The following PACRG variants were observed in gnomAD, a reference collection of about 807,000 sequenced individuals.
The protein encoded by PACRG is parkin coregulated gene protein.
Under a neutral mutation model 29.7 loss-of-function variants are expected in PACRG, and 29 were observed. The ratio of observed to expected loss-of-function variants is 0.98; its 90% confidence interval spans 0.73 to 1.33. The LOEUF (loss-of-function observed/expected upper bound fraction) is 1.33. Ranked by LOEUF, PACRG falls within the 40% of genes most tolerant of loss-of-function variation. PACRG has a pLI of 0.00. For missense variants in PACRG, 279 were observed against 316.2 expected (o/e 0.88, Z 0.89); for synonymous variants, 116 against 118.7 (o/e 0.98, Z 0.15).
chr6:163,000,413 T>A (rs1481404449), intron 2 of PACRG, among the ~76,000 whole-genome samples: 1 of 152,048 alleles, frequency 6.6e-6, no homozygotes, highest in African/African-American at 2.4e-5. Flanking sequence ...GGAACCCCCA[T>A]TGCACTCCCA....
chr6:163,002,866 C>T (rs1804712812), intron 2 of PACRG, among the ~76,000 whole-genome samples: 3 of 152,194 alleles, frequency 2.0e-5, no homozygotes, highest in Admixed American at 2.0e-4. Context: ...GACCATAACC[C>T]TGAGTCCTAA....
At chr6:163,286,989 T>C (rs1048231822) in intron 4 of PACRG, among the ~76,000 whole-genome samples, 2 of 152,014 alleles carry the variant, frequency 1.3e-5, no homozygotes, top group African/African-American at 2.4e-5. Context: ...TGTGTATCTG[T>C]ATATATGTAT....
intron 1 of PACRG, among the ~76,000 whole-genome samples, chr6:162,802,694 G>A (rs539003298): frequency 6.6e-6 from 1 of 151,928 alleles, no homozygotes; most frequent in African/African-American, 2.4e-5. Context: ...CTACAGTCTG[G>A]CTTCCACCTC....
At chr6:163,154,626 A>G (rs2747686) in intron 4 of PACRG, among the ~76,000 whole-genome samples, 20,403 of 152,268 alleles carry the variant, frequency 0.13, 1,594 homozygotes, top group South Asian at 0.26. Context: ...TGCCAGATTC[A>G]CAAAGAAAAA....
intron 4 of PACRG, among the ~76,000 whole-genome samples, chr6:163,296,184 T>A (rs1034109681): frequency 3.3e-5 from 5 of 152,202 alleles, no homozygotes; most frequent in Non-Finnish European, 5.9e-5. Context: ...GTTTTTGGGG[T>A]AGAATAGTAG....
chr6:162,903,540 AG>A (rs574950135), intron 2 of PACRG, among the ~76,000 whole-genome samples: 1,893 of 152,156 alleles, frequency 0.012, 16 homozygotes, highest in African/African-American at 0.015. Flanking sequence ...ACCAAGTGAA[AG>A]GGGTTTCCCC....
intron 4 of PACRG, among the ~76,000 whole-genome samples, chr6:163,161,995 A>G (rs1778575920): frequency 2.0e-5 from 3 of 152,378 alleles, no homozygotes; most frequent in South Asian, 4.1e-4. Context: ...CATACCTGCC[A>G]GAGAACAGAT....
chr6:162,792,669 G>A (rs1000418995), intron 1 of PACRG, among the ~76,000 whole-genome samples: 3 of 152,184 alleles, frequency 2.0e-5, no homozygotes, highest in East Asian at 3.9e-4. Context: ...AACCAACACT[G>A]CTGGGGAGAC....
At chr6:163,065,905 A>G (rs561440) in intron 3 of PACRG, among the ~76,000 whole-genome samples, 46,580 of 152,080 alleles carry the variant, frequency 0.31, 7,914 homozygotes, top group East Asian at 0.66. Flanking sequence ...AGACAAGTGT[A>G]TAAAAATAAG....
chr6:162,924,502 G>A (rs150354829), intron 2 of PACRG, among the ~76,000 whole-genome samples: 2,493 of 152,124 alleles, frequency 0.016, 35 homozygotes, highest in Non-Finnish European at 0.026. Flanking sequence ...TTTCCTTTCA[G>A]AATGATGCTA....
intron 2 of PACRG, among the ~76,000 whole-genome samples, chr6:162,880,300 G>T (rs913597330): frequency 2.0e-5 from 3 of 152,132 alleles, no homozygotes; most frequent in African/African-American, 7.2e-5. Context: ...ATTTGTGGAT[G>T]ATGTTGCCAG....
At chr6:163,210,131 T>C (rs1047604618) in intron 4 of PACRG, among the ~76,000 whole-genome samples, 3 of 152,146 alleles carry the variant, frequency 2.0e-5, no homozygotes, top group Non-Finnish European at 4.4e-5. Context: ...AAAAATCTTA[T>C]TAAAGATTAC....
chr6:162,747,415 T>TAA lies in PACRG; in HGVS notation c.156+19025_156+19026dup, dbSNP rs1386465004. 5.2e-5 allele frequency among the ~76,000 whole-genome samples: 6 copies of TAA among 114,806 alleles called. 2 individuals carry two copies. The highest frequency in any genetic ancestry group is 1.1e-4 in the Non-Finnish European group (6 of 56,922). 75.3% of individuals were successfully genotyped at this position (114,806 alleles called of 152,430 possible). A position where few individuals can be genotyped will look rare whatever the true frequency, so the allele number is the denominator to read the frequency against. Reference sequence around the variant, plus strand: ...GTATATATATATGTATATATATATATAACTATAAATATATATGTAAAACTA... The same window carrying TAA: ...GTATATATATATGTATATATATATATAAAACTATAAATATATATGTAAAACTA... On this transcript the variant is annotated intron_variant, in intron 1 of 4. Coordinates refer to ENST00000366888, the MANE Select transcript of PACRG (RefSeq NM_001080379.2).
chr6:163,153,990 C>T (rs9346951), intron 4 of PACRG, among the ~76,000 whole-genome samples: 16,980 of 152,170 alleles, frequency 0.11, 1,191 homozygotes, highest in South Asian at 0.29. Flanking sequence ...GGAAGAACAG[C>T]GGTGATTTTG....
chr6:163,257,533 C>T (rs1783161881), intron 4 of PACRG, among the ~76,000 whole-genome samples: 1 of 152,194 alleles, frequency 6.6e-6, no homozygotes, highest in African/African-American at 2.4e-5. Flanking sequence ...TTTTTTACAA[C>T]TATCAAACTA....
intron 4 of PACRG, among the ~76,000 whole-genome samples, chr6:163,125,957 A>G (rs534874151): frequency 1.3e-5 from 2 of 152,266 alleles, no homozygotes; most frequent in African/African-American, 4.8e-5. Flanking sequence ...AGTTTATTGT[A>G]ACATAAAACA....
intron 4 of PACRG, among the ~76,000 whole-genome samples, chr6:163,240,533 T>C (rs1782458111): frequency 6.6e-6 from 1 of 151,942 alleles, no homozygotes; most frequent in African/African-American, 2.4e-5. Context: ...CCCTGTGGGG[T>C]GACTCCCACC....
chr6:163,142,899 C>T (rs1324450086), intron 4 of PACRG, among the ~76,000 whole-genome samples: 1 of 151,900 alleles, frequency 6.6e-6, no homozygotes, highest in Non-Finnish European at 1.5e-5. Flanking sequence ...TCTCAAAACT[C>T]TGAAGATCAT....
intron 2 of PACRG, among the ~76,000 whole-genome samples, chr6:163,052,321 C>G (rs1810102219): frequency 6.6e-6 from 1 of 152,088 alleles, no homozygotes; most frequent in Non-Finnish European, 1.5e-5. Flanking sequence ...TGTTTCTGAG[C>G]AAGATCCTTG....
Sources: gnomAD v4.1 joint callset for allele counts (sites outside exome capture counted in the v4.1 genomes callset) on GRCh38, gnomAD v4.1.1 for gene constraint, MANE v1.5 for transcripts, NCBI Gene and HGNC (gene_info 2026-07-23, HGNC 2026-07-21) for gene names.